The following ATP2B2 variants were observed in gnomAD, a reference collection of about 807,000 sequenced individuals.
The protein encoded by ATP2B2 is plasma membrane calcium-transporting ATPase 2.
ATP2B2 carries 15 observed loss-of-function variants against 120.0 expected under a neutral mutation model. The observed-to-expected ratio is 0.12, with a 90% confidence interval of 0.08 to 0.19. The LOEUF is 0.19. Among genes scored for constraint, ATP2B2 ranks in the 10% least tolerant of loss-of-function variants. The pLI is 1.00. For missense variants in ATP2B2, 1,045 were observed against 1,719.8 expected (o/e 0.61, Z 6.94); for synonymous variants, 694 against 700.3 (o/e 0.99, Z 0.14).
At position 10,662,344 on chromosome 3, in the gene ATP2B2, T is replaced by C. The variant is rs1360852875; in HGVS notation, c.-459-42383A>G. Among the ~76,000 whole-genome samples, 4 of 151,170 alleles carry C rather than the reference T, an allele frequency of 2.6e-5. No homozygotes were observed. In the East Asian group the frequency reaches 5.8e-4, roughly 22 times the overall value. On this transcript the variant is annotated intron_variant, in intron 1 of 21. Transcript: ENST00000646379. ...AAAAAATTTTTGCAACCTACTCATC[T>C]GACAAAGGGCTAATATCCAGAATCT...
In ATP2B2 at chr3:10,349,051, G is replaced by C. The variant is rs146970654; in HGVS notation, c.2404+1061C>G. On this transcript the variant is annotated intron_variant, in intron 16 of 22. Coordinates refer to ENST00000360273, the MANE Select transcript of ATP2B2 (RefSeq NM_001001331.4). ...TGTTCTAGGGCTGATCTCCAGTGGAGCCCTGCTCCCATAGCCATTTTACAA... is the reference window on the plus strand; with the variant it reads ...TGTTCTAGGGCTGATCTCCAGTGGACCCCTGCTCCCATAGCCATTTTACAA... Among the ~76,000 whole-genome samples, 312 of 152,364 alleles carry C rather than the reference G, an allele frequency of 2.0e-3. 10 individuals are homozygous for C. The East Asian group carries it at 0.029, about 14-fold the overall frequency.
At chr3:10,532,939 T>G (rs1490424737) in intron 3 of ATP2B2, among the ~76,000 whole-genome samples, 1 of 152,192 alleles carries the variant, frequency 6.6e-6, no homozygotes, top group East Asian at 1.9e-4. Flanking sequence ...AGTTTTCTCA[T>G]TTGTGAAAAG....
At chr3:10,350,679 G>A (rs2060555169) in intron 14 of ATP2B2, 102 bp from the exon 15 acceptor site, 1 of 1,273,128 alleles carries the variant, frequency 7.9e-7, no homozygotes, top group African/African-American at 1.5e-5. Flanking sequence ...CAGCTCTACT[G>A]AAAGGGGACT....
At chr3:10,337,248 C>T (rs1384720137) in intron 22 of ATP2B2, among the ~76,000 whole-genome samples, 4 of 152,166 alleles carry the variant, frequency 2.6e-5, no homozygotes, top group Non-Finnish European at 4.4e-5. Flanking sequence ...CAGGTGAGCT[C>T]TCTGCTACAT....
At chr3:10,411,258 G>A (rs34908) in intron 2 of ATP2B2, among the ~76,000 whole-genome samples, 39,862 of 152,066 alleles carry the variant, frequency 0.26, 6,197 homozygotes, top group East Asian at 0.7. Flanking sequence ...GGAAATGTCT[G>A]GGGGCACCAG....
chr3:10,384,110 C>T (rs529689968), intron 8 of ATP2B2, among the ~76,000 whole-genome samples: 141 of 152,310 alleles, frequency 9.3e-4, no homozygotes, highest in Non-Finnish European at 1.7e-3. Context: ...AGGCACTGCT[C>T]GCAGAAGTGC....
intron 2 of ATP2B2, among the ~76,000 whole-genome samples, chr3:10,597,157 A>T (rs2068789524): frequency 6.6e-6 from 1 of 151,444 alleles, no homozygotes. Context: ...AGGCACATAC[A>T]CACAGGCACG....
chr3:10,393,976 T>C (rs1427456336), intron 5 of ATP2B2, among the ~76,000 whole-genome samples: 1 of 152,214 alleles, frequency 6.6e-6, no homozygotes, highest in Non-Finnish European at 1.5e-5. Flanking sequence ...TGCTGAGCCA[T>C]AGGTAGCAGA....
chr3:10,513,113 G>T (rs2066805339), intron 3 of ATP2B2, among the ~76,000 whole-genome samples: 1 of 152,166 alleles, frequency 6.6e-6, no homozygotes, highest in Non-Finnish European at 1.5e-5. Flanking sequence ...GAAATGAAAT[G>T]ATCACACAAA....
chr3:10,439,971 C>T (rs1206107837), intron 2 of ATP2B2, among the ~76,000 whole-genome samples: 2 of 151,894 alleles, frequency 1.3e-5, no homozygotes, highest in Non-Finnish European at 2.9e-5. Flanking sequence ...GGCATGGTGG[C>T]ACATGCCTGT....
intron 2 of ATP2B2, among the ~76,000 whole-genome samples, chr3:10,534,300 C>A (rs893803697): frequency 6.6e-6 from 1 of 152,354 alleles, no homozygotes; most frequent in African/African-American, 2.4e-5. Flanking sequence ...GCATTCAGAC[C>A]AGCCTGGGTG....
chr3:10,646,608 A>C (rs2070327274), intron 1 of ATP2B2, among the ~76,000 whole-genome samples: 1 of 152,082 alleles, frequency 6.6e-6, no homozygotes, highest in Non-Finnish European at 1.5e-5. Flanking sequence ...CTTTACCCCC[A>C]AAGCCCCTCC....
intron 2 of ATP2B2, among the ~76,000 whole-genome samples, chr3:10,535,602 T>C (rs1466372888): frequency 1.3e-5 from 2 of 152,218 alleles, no homozygotes; most frequent in Admixed American, 1.3e-4. Context: ...AATGATGTTA[T>C]ATAAATGGAG....
chr3:10,397,621 C>T (rs2062082494), intron 5 of ATP2B2, among the ~76,000 whole-genome samples: 1 of 152,098 alleles, frequency 6.6e-6, no homozygotes, highest in African/African-American at 2.4e-5. Context: ...AGAAATGAGA[C>T]TGGGAAGAGA....
chr3:10,412,778 C>A (rs541314178), intron 2 of ATP2B2, among the ~76,000 whole-genome samples: 1 of 152,302 alleles, frequency 6.6e-6, no homozygotes, highest in East Asian at 1.9e-4. Flanking sequence ...AAATGCAGGT[C>A]CGAGTGTTAC....
chr3:10,611,380 G>C (rs1308491094), intron 2 of ATP2B2, among the ~76,000 whole-genome samples: 1 of 152,202 alleles, frequency 6.6e-6, no homozygotes, highest in African/African-American at 2.4e-5. Context: ...TTGGGCAGAG[G>C]GGTGTGGGAA....
intron 22 of ATP2B2, among the ~76,000 whole-genome samples, chr3:10,332,614 C>T (rs1329009390): frequency 6.6e-6 from 1 of 152,138 alleles, no homozygotes; most frequent in Non-Finnish European, 1.5e-5. Context: ...GACTCCTTTT[C>T]ACGATATGAG....
At chr3:10,512,477 C>G (rs879660747) in intron 3 of ATP2B2, among the ~76,000 whole-genome samples, 1,549 of 74,544 alleles carry the variant, frequency 0.021, 40 homozygotes, top group African/African-American at 0.075. Flanking sequence ...CACACACACA[C>G]ACACACACAC....
intron 2 of ATP2B2, among the ~76,000 whole-genome samples, chr3:10,426,974 C>T (rs1011256393): frequency 9.2e-5 from 14 of 152,036 alleles, no homozygotes; most frequent in Admixed American, 6.6e-4. Context: ...ATTTAGAAAC[C>T]GCATTCACAT....
Sources: allele counts gnomAD v4.1 joint callset (sites outside exome capture counted in the v4.1 genomes callset), GRCh38; gene constraint gnomAD v4.1.1; transcripts MANE v1.5; gene names NCBI Gene and HGNC (gene_info 2026-07-23, HGNC 2026-07-21).